CSTPP1: variants seen among roughly 807,000 people sequenced by gnomAD.
The protein encoded by CSTPP1 is UPF0705 protein C11orf49.
At chr11:47,130,517 C>T in the CSTPP1 span, among the ~76,000 whole-genome samples, 2 of 152,172 alleles carry the variant, frequency 1.3e-5, no homozygotes, top group Non-Finnish European at 2.9e-5. Flanking sequence ...AATAACACAG[C>T]CTTCTCTTCT....
the CSTPP1 span, among the ~76,000 whole-genome samples, chr11:47,145,641 T>C: frequency 1.3e-5 from 2 of 152,240 alleles, no homozygotes. Context: ...AAAAATGTTA[T>C]TATTTTTTGA....
chr11:47,145,523 A>G, the CSTPP1 span, among the ~76,000 whole-genome samples: 10 of 152,188 alleles, frequency 6.6e-5, no homozygotes, highest in South Asian at 2.1e-4. Context: ...GAGGCAGGAG[A>G]ACTGCTTGAA....
chr11:46,973,806 GTGTC>G, the CSTPP1 span, among the ~76,000 whole-genome samples: 1 of 151,264 alleles, frequency 6.6e-6, no homozygotes, highest in African/African-American at 2.4e-5. Flanking sequence ...GTGTCTGTGT[GTGTC>G]TGTGTGTCTG....
the CSTPP1 span, among the ~76,000 whole-genome samples, chr11:47,032,246 TAA>T: frequency 2.6e-5 from 4 of 152,150 alleles, no homozygotes; most frequent in African/African-American, 9.7e-5. Flanking sequence ...AAAACTAAAT[TAA>T]GAGAGATTTG....
At chr11:47,153,686 T>C in the CSTPP1 span, among the ~76,000 whole-genome samples, 1 of 152,212 alleles carries the variant, frequency 6.6e-6, no homozygotes, top group Non-Finnish European at 1.5e-5. Flanking sequence ...TGCCACGCAG[T>C]AGGGCACTCA....
chr11:47,004,481 T>C, the CSTPP1 span: 1 of 152,134 alleles, frequency 6.6e-6, no homozygotes, highest in African/African-American at 2.4e-5. Context: ...ACCTGGCCTC[T>C]CTTACTTTCT....
At chr11:47,064,727 TG>T in the CSTPP1 span, among the ~76,000 whole-genome samples, 6 of 152,094 alleles carry the variant, frequency 3.9e-5, no homozygotes, top group Non-Finnish European at 5.9e-5. Context: ...GGGGTTTTTT[TG>T]TTTTGTTTGT....
At chr11:47,164,165 G>A in the CSTPP1 span, 2 of 1,613,984 alleles carry the variant, frequency 1.2e-6, no homozygotes, top group South Asian at 2.2e-5. Flanking sequence ...TTGGCTTTCA[G>A]AGAAGAGAGA....
the CSTPP1 span, among the ~76,000 whole-genome samples, chr11:47,014,331 A>G: frequency 6.6e-6 from 1 of 151,584 alleles, no homozygotes; most frequent in Middle Eastern, 3.4e-3. Context: ...TAAAAGAGAG[A>G]AAGAAACAGA....
the CSTPP1 span, among the ~76,000 whole-genome samples, chr11:47,083,271 A>G: frequency 6.6e-6 from 1 of 152,174 alleles, no homozygotes; most frequent in Non-Finnish European, 1.5e-5. Flanking sequence ...ATGTTGTAAC[A>G]TGTATCAGTA....
the CSTPP1 span, among the ~76,000 whole-genome samples, chr11:47,150,115 C>T: frequency 6.6e-6 from 1 of 151,954 alleles, no homozygotes; most frequent in East Asian, 1.9e-4. Context: ...TTAGACTGTC[C>T]ATCAGCCTGA....
chr11:47,150,886 T>G, the CSTPP1 span, among the ~76,000 whole-genome samples: 1 of 141,164 alleles, frequency 7.1e-6, no homozygotes, highest in African/African-American at 2.6e-5. Flanking sequence ...TGTGAAGGTT[T>G]TTTTTTTTTT....
chr11:46,938,220 C>A, the CSTPP1 span, among the ~76,000 whole-genome samples: 1 of 151,808 alleles, frequency 6.6e-6, no homozygotes, highest in Non-Finnish European at 1.5e-5. Context: ...ACGGCGAGTT[C>A]CCATATACCT....
chr11:47,059,843 G>A, the CSTPP1 span, among the ~76,000 whole-genome samples: 5 of 152,132 alleles, frequency 3.3e-5, no homozygotes, highest in Non-Finnish European at 2.9e-5. Flanking sequence ...GGTGACTCAT[G>A]CCTGTAATCC....
At chr11:47,122,927 C>T in the CSTPP1 span, among the ~76,000 whole-genome samples, 3 of 152,280 alleles carry the variant, frequency 2.0e-5, no homozygotes, top group Non-Finnish European at 4.4e-5. Flanking sequence ...ATATCATCCA[C>T]GGTCCCCAAA....
Sources: gnomAD v4.1 joint callset for allele counts (sites outside exome capture counted in the v4.1 genomes callset) on GRCh38, gnomAD v4.1.1 for gene constraint, MANE v1.5 for transcripts, NCBI Gene and HGNC (gene_info 2026-07-23, HGNC 2026-07-21) for gene names.